FOXP1: variants seen among roughly 807,000 people sequenced by gnomAD.
FOXP1 encodes forkhead box P1.
In FOXP1, 15 loss-of-function variants were observed where a neutral mutation model predicts 98.2. That is an observed-to-expected ratio of 0.15 (90% CI 0.10 to 0.24). FOXP1 has a LOEUF of 0.24. FOXP1 is among the 10% of genes least tolerant of loss of function. The pLI is 1.00. For synonymous variants in FOXP1, 371 were observed against 314.5 expected, an observed-to-expected ratio of 1.18 and a Z score of -1.90; for missense variants, 633 against 848.5, an observed-to-expected ratio of 0.75 and a Z score of 3.15.
At chr3:71,041,628 T>G in intron 10 of FOXP1, 96 bp from the exon 11 acceptor site, 1 of 1,240,602 alleles carries the variant, frequency 8.1e-7, no homozygotes, top group Non-Finnish European at 1.2e-6. Context: ...CAAAGCCTAG[T>G]GTTAGGGGGG....
intron 7 of FOXP1, among the ~76,000 whole-genome samples, chr3:71,069,382 A>C (rs951174486): frequency 6.6e-5 from 10 of 152,220 alleles, no homozygotes; most frequent in African/African-American, 2.4e-4. Flanking sequence ...GGTAAACAAA[A>C]TCATGACAGA....
At chr3:71,183,005 A>G (rs2062421225) in intron 6 of FOXP1, among the ~76,000 whole-genome samples, 1 of 152,058 alleles carries the variant, frequency 6.6e-6, no homozygotes, top group South Asian at 2.1e-4. Flanking sequence ...AATTAATATT[A>G]TATCAAACTT....
chr3:71,162,398 G>A (rs559359363), intron 6 of FOXP1, among the ~76,000 whole-genome samples: 2 of 152,182 alleles, frequency 1.3e-5, no homozygotes, highest in Non-Finnish European at 2.9e-5. Context: ...CATCTCTACT[G>A]ATATAAGCAT....
intron 3 of FOXP1, among the ~76,000 whole-genome samples, chr3:71,411,733 G>A (rs1227899832): frequency 6.6e-6 from 1 of 152,176 alleles, no homozygotes; most frequent in Admixed American, 6.5e-5. Context: ...GCTCCAGTGT[G>A]GCAGTGCAAA....
At chr3:71,368,974 T>C (rs2079103277) in intron 3 of FOXP1, among the ~76,000 whole-genome samples, 1 of 152,198 alleles carries the variant, frequency 6.6e-6, no homozygotes, top group African/African-American at 2.4e-5. Flanking sequence ...CGCATTAGGA[T>C]CTACCTCAAA....
chr3:71,270,886 C>T (rs946545272), intron 5 of FOXP1, among the ~76,000 whole-genome samples: 3 of 122,952 alleles, frequency 2.4e-5, no homozygotes, highest in Non-Finnish European at 5.0e-5. Flanking sequence ...GTTATATTCT[C>T]CCTCCCAAGG....
chr3:71,395,899 T>C (rs921081199), intron 3 of FOXP1, among the ~76,000 whole-genome samples: 3 of 152,196 alleles, frequency 2.0e-5, no homozygotes, highest in South Asian at 2.1e-4. Context: ...GACTTGGCTA[T>C]ATTAAAATAT....
At chr3:71,026,465 G>T (rs916652191) in intron 11 of FOXP1, among the ~76,000 whole-genome samples, 2 of 152,154 alleles carry the variant, frequency 1.3e-5, no homozygotes, top group African/African-American at 4.8e-5. Flanking sequence ...TTTCACAGGG[G>T]ATGGCAGAGC....
At chr3:71,422,178 C>T (rs192891978) in intron 3 of FOXP1, among the ~76,000 whole-genome samples, 1 of 152,288 alleles carries the variant, frequency 6.6e-6, no homozygotes, top group African/African-American at 2.4e-5. Context: ...AAGGACAACA[C>T]GTAAGGAAGT....
At chr3:71,355,164 T>C (rs1176877918) in intron 4 of FOXP1, among the ~76,000 whole-genome samples, 1 of 152,188 alleles carries the variant, frequency 6.6e-6, no homozygotes, top group African/African-American at 2.4e-5. Flanking sequence ...TCTTTCTCCC[T>C]CAACCAGATA....
intron 7 of FOXP1, among the ~76,000 whole-genome samples, chr3:71,092,161 C>T (rs1342219992): frequency 6.7e-6 from 1 of 150,084 alleles, no homozygotes; most frequent in Non-Finnish European, 1.5e-5. Context: ...GCACTCCAGC[C>T]TGGGCGACAG....
intron 7 of FOXP1, among the ~76,000 whole-genome samples, chr3:71,068,618 GTCT>G (rs2052845349): frequency 6.6e-6 from 1 of 152,314 alleles, no homozygotes; most frequent in East Asian, 1.9e-4. Context: ...CAAGTTTGCT[GTCT>G]TCTTCTGAAC....
At chr3:71,482,298 A>C (rs554769408) in intron 3 of FOXP1, among the ~76,000 whole-genome samples, 31 of 152,244 alleles carry the variant, frequency 2.0e-4, no homozygotes, top group Middle Eastern at 3.4e-3. Context: ...CTGAGAAGCC[A>C]GACTTGAAGT....
intron 3 of FOXP1, among the ~76,000 whole-genome samples, chr3:71,440,875 T>C (rs2085868569): frequency 6.6e-6 from 1 of 151,518 alleles, no homozygotes; most frequent in Admixed American, 6.6e-5. Flanking sequence ...AAAAATAAAA[T>C]AAAACAAAAT....
chr3:71,058,286 C>T (rs553834519), intron 7 of FOXP1, among the ~76,000 whole-genome samples: 2 of 152,002 alleles, frequency 1.3e-5, no homozygotes, highest in East Asian at 1.9e-4. Flanking sequence ...AAATTTTGCA[C>T]GTTGGGTATC....
At chr3:71,242,764 G>GAAAAAAAA in intron 5 of FOXP1, among the ~76,000 whole-genome samples, 1 of 140,310 alleles carries the variant, frequency 7.1e-6, no homozygotes, top group Non-Finnish European at 1.6e-5. Context: ...GCCCAAAAAG[G>GAAAAAAAA]AAAAAAAAAA....
intron 12 of FOXP1, among the ~76,000 whole-genome samples, chr3:71,005,853 A>C (rs1400762940): frequency 6.6e-6 from 1 of 152,156 alleles, no homozygotes. Flanking sequence ...CAGCACACAT[A>C]AAATAAATAC....
intron 8 of FOXP1, among the ~76,000 whole-genome samples, chr3:71,053,210 T>C (rs1243555538): frequency 4.6e-5 from 7 of 152,270 alleles, no homozygotes; most frequent in African/African-American, 1.7e-4. Context: ...AATTAGCAAA[T>C]TCTAGAATGC....
chr3:71,168,632 C>G (rs1288441268), intron 6 of FOXP1, among the ~76,000 whole-genome samples: 1 of 152,190 alleles, frequency 6.6e-6, no homozygotes, highest in Admixed American at 6.5e-5. Flanking sequence ...GGAAAAGAAG[C>G]TGGGAAAAGA....
Sources: allele counts gnomAD v4.1 joint callset (sites outside exome capture counted in the v4.1 genomes callset), GRCh38; gene constraint gnomAD v4.1.1; transcripts MANE v1.5; gene names NCBI Gene and HGNC (gene_info 2026-07-23, HGNC 2026-07-21).